Variants in ERG observed in about 807,000 individuals in gnomAD.
ERG encodes the protein ETS transcription factor ERG, also known as transcriptional regulator ERG.
ERG carries 9 observed loss-of-function variants against 55.3 expected under a neutral mutation model. The ratio of observed to expected loss-of-function variants is 0.16; its 90% CI spans 0.10 to 0.28. The LOEUF is 0.28. Among genes scored for constraint, ERG ranks in the 10% least tolerant of loss-of-function variants. The probability of loss-of-function intolerance (pLI) is 1.00; values close to 1 mark genes in which losing one functional copy is unlikely to be tolerated. For missense variants in ERG, 434 were observed against 631.6 expected, an observed-to-expected ratio of 0.69 and a Z score of 3.35; for synonymous variants, 223 against 237.3, an observed-to-expected ratio of 0.94 and a Z score of 0.55.
chr21:38,428,287 G>A (rs78970502), intron 2 of ERG, among the ~76,000 whole-genome samples: 2 of 149,944 alleles, frequency 1.3e-5, no homozygotes, highest in East Asian at 3.9e-4. Context: ...TTCTAGCTCT[G>A]TGCCCAAGAA....
intron 1 of ERG, among the ~76,000 whole-genome samples, chr21:38,462,183 ATATTGGC>A (rs897927069): frequency 6.6e-6 from 1 of 152,050 alleles, no homozygotes; most frequent in Non-Finnish European, 1.5e-5. Flanking sequence ...GGGTTTCATG[ATATTGGC>A]TAGGCTGGTC....
intron 1 of ERG, among the ~76,000 whole-genome samples, chr21:38,607,214 A>T (rs778462975): frequency 7.2e-5 from 11 of 152,238 alleles, no homozygotes; most frequent in Non-Finnish European, 1.3e-4. Context: ...AGTGAGTATA[A>T]ATTGAAGAAA....
chr21:38,423,762 C>T (rs182379950), intron 2 of ERG, among the ~76,000 whole-genome samples: 6 of 151,952 alleles, frequency 3.9e-5, no homozygotes, highest in South Asian at 2.1e-4. Context: ...CCGAGGTGGG[C>T]GGATCATGAG....
chr21:38,505,496 C>T (rs921706512), intron 2 of ERG, among the ~76,000 whole-genome samples: 3 of 152,184 alleles, frequency 2.0e-5, no homozygotes, highest in Non-Finnish European at 4.4e-5. Context: ...ATGCACCGAC[C>T]TGAACTGAAA....
chr21:38,414,467 C>A (rs937497318), intron 3 of ERG, among the ~76,000 whole-genome samples: 1 of 152,126 alleles, frequency 6.6e-6, no homozygotes, highest in African/African-American at 2.4e-5. Context: ...ATCTTGAGTC[C>A]CCAGGGCACT....
intron 2 of ERG, among the ~76,000 whole-genome samples, chr21:38,534,721 A>G (rs929989111): frequency 6.6e-6 from 1 of 152,196 alleles, no homozygotes; most frequent in African/African-American, 2.4e-5. Flanking sequence ...ACTTCTGGGT[A>G]TATATTCAAA....
intron 2 of ERG, among the ~76,000 whole-genome samples, chr21:38,538,323 A>AATTTTATGTATATTT (rs1165382646): frequency 2.0e-5 from 3 of 152,124 alleles, no homozygotes; most frequent in Non-Finnish European, 4.4e-5. Flanking sequence ...TAGGATGATA[A>AATTTTATGTATATTT]ATTTTATGTA....
In ERG at chr21:38,546,723, G is replaced by A. The variant is rs185357614; in HGVS notation, c.-41+28939C>T. Among the ~76,000 whole-genome samples the A allele has an allele frequency of 9.8e-5, 15 of 152,298 alleles. No individual in the cohort carries two copies. The East Asian group carries it at 2.7e-3, about 27-fold the overall frequency. ...TCCCAGGTCTCATAGAGAACACTCA[G>A]AACACGCTTGTTAGAGGTATCTGCT... On this transcript the variant is annotated intron_variant, in intron 2 of 8. Coordinates refer to the ERG transcript ENST00000398897.
chr21:38,531,549 A>C (rs1036400755), intron 2 of ERG, among the ~76,000 whole-genome samples: 1 of 151,532 alleles, frequency 6.6e-6, no homozygotes, highest in Non-Finnish European at 1.5e-5. Flanking sequence ...AAAAGACTTT[A>C]AAAAAAAATA....
intron 2 of ERG, among the ~76,000 whole-genome samples, chr21:38,436,019 T>C (rs1990426407): frequency 2.9e-5 from 3 of 103,924 alleles, no homozygotes; most frequent in East Asian, 3.5e-4. Flanking sequence ...TTTCTTTTTT[T>C]CTTTTTTTTT....
Position 38,488,249 on chromosome 21 carries a change from G to C in ERG, c.18+10114C>G, listed in dbSNP as rs149486665. Among the ~76,000 whole-genome samples the C allele has an allele frequency of 8.2e-3, 1,250 of 152,286 alleles. 5 individuals carry two copies. Among genetic ancestry groups the C allele is most frequent in the Non-Finnish European group, 0.014 (945 of 68,026 alleles). ...GTACCCTTCAACATGAGGTGACCCA[G>C]CAATGATTGGCTGCTGAGTTCTTTG... is the stretch of plus-strand genomic sequence containing the variant. On this transcript the variant is annotated intron_variant, in intron 1 of 9. Coordinates refer to ENST00000288319, the MANE Select transcript of ERG (RefSeq NM_182918.4).
chr21:38,411,149 C>T (rs557977079), intron 3 of ERG, among the ~76,000 whole-genome samples: 1 of 152,298 alleles, frequency 6.6e-6, no homozygotes, highest in African/African-American at 2.4e-5. Flanking sequence ...CAATGATTCA[C>T]TCCATCACAA....
chr21:38,552,727 A>G (rs1258093288), intron 2 of ERG, among the ~76,000 whole-genome samples: 2 of 152,040 alleles, frequency 1.3e-5, no homozygotes, highest in Non-Finnish European at 2.9e-5. Flanking sequence ...GCAACACTGT[A>G]CTGAACAGGA....
intron 2 of ERG, among the ~76,000 whole-genome samples, chr21:38,430,640 G>T (rs1990160023): frequency 6.6e-6 from 1 of 152,168 alleles, no homozygotes; most frequent in Non-Finnish European, 1.5e-5. Context: ...TTAGCCAGGG[G>T]GCCCCAAGAG....
At chr21:38,610,706 G>A (rs563365878) in intron 1 of ERG, among the ~76,000 whole-genome samples, 2 of 152,168 alleles carry the variant, frequency 1.3e-5, no homozygotes, top group East Asian at 3.9e-4. Context: ...GGAAACCTAC[G>A]GAGTAATACC....
rs750226487 is a variant in ERG, at chr21:38,382,890, A to T, written c.*513T>A. On this transcript the variant is annotated 3_prime_UTR_variant, in exon 10 of 10. Coordinates refer to ENST00000288319, the MANE Select transcript of ERG (RefSeq NM_182918.4). ...AAAACAGCACATGCCATGCAGTTGCATATCAACGTCTGTTGATGGGCCACA... is the reference window on the plus strand; with the variant it reads ...AAAACAGCACATGCCATGCAGTTGCTTATCAACGTCTGTTGATGGGCCACA... The T allele has an allele frequency of 1.5e-5, 16 of 1,066,480 alleles. No homozygotes were observed. Among genetic ancestry groups the T allele is most frequent in the African/African-American group, 1.5e-4 (9 of 61,132 alleles). The allele number at this position is 1,066,480 out of a possible 1,614,324, so 66.1% of individuals were successfully genotyped here. A position where few individuals can be genotyped will look rare whatever the true frequency, so the allele number is the denominator to read the frequency against.
At chr21:38,591,363 T>G (rs2060099280) in intron 1 of ERG, among the ~76,000 whole-genome samples, 1 of 152,200 alleles carries the variant, frequency 6.6e-6, no homozygotes. Context: ...CAAAGGGCAA[T>G]GTAGGCTACT....
At chr21:38,604,137 C>T (rs2060182067) in intron 1 of ERG, among the ~76,000 whole-genome samples, 1 of 151,730 alleles carries the variant, frequency 6.6e-6, no homozygotes, top group Non-Finnish European at 1.5e-5. Context: ...CCTGTGGTTC[C>T]CAGCTATTCG....
intron 1 of ERG, among the ~76,000 whole-genome samples, chr21:38,605,817 C>T (rs755640202): frequency 2.0e-5 from 3 of 150,260 alleles, no homozygotes; most frequent in Non-Finnish European, 4.4e-5. Context: ...TGGTGTGTTG[C>T]AGCCCAGATA....
Sources: gnomAD v4.1 joint callset for allele counts (sites outside exome capture counted in the v4.1 genomes callset) on GRCh38, gnomAD v4.1.1 for gene constraint, MANE v1.5 for transcripts, NCBI Gene and HGNC (gene_info 2026-07-23, HGNC 2026-07-21) for gene names.